The following KIFAP3 variants were observed in gnomAD, a reference collection of about 807,000 sequenced individuals.
KIFAP3 encodes kinesin associated protein 3.
In KIFAP3, 68 loss-of-function variants were observed where a neutral mutation model predicts 106.5. The ratio of observed to expected loss-of-function variants is 0.64; its 90% confidence interval spans 0.53 to 0.78. The LOEUF (loss-of-function observed/expected upper bound fraction) is 0.78. Among genes scored for constraint, KIFAP3 ranks in the 30% least tolerant of loss-of-function variants. KIFAP3 has a pLI of 0.00. For synonymous variants in KIFAP3, 320 were observed against 311.5 expected (o/e 1.03, Z -0.29); for missense variants, 780 against 941.8 (o/e 0.83, Z 2.25).
At chr1:170,023,552 T>C (rs1668960954) in intron 9 of KIFAP3, among the ~76,000 whole-genome samples, 1 of 151,932 alleles carries the variant, frequency 6.6e-6, no homozygotes, top group Admixed American at 6.6e-5. Flanking sequence ...TATAGACAAA[T>C]ATGTATGTAC....
At chr1:169,964,407 A>G (rs1228818111) in intron 17 of KIFAP3, among the ~76,000 whole-genome samples, 1 of 152,144 alleles carries the variant, frequency 6.6e-6, no homozygotes, top group East Asian at 1.9e-4. Context: ...AGTTAAACAG[A>G]GGATAAATGA....
In KIFAP3 at chr1:169,962,670, A is replaced by T. The variant is rs373461855; in HGVS notation, c.1984-1435T>A. On this transcript the variant is annotated intron_variant, in intron 17 of 19. Coordinates refer to ENST00000361580, the MANE Select transcript of KIFAP3 (RefSeq NM_014970.4). The stretch of plus-strand genomic sequence containing the variant: ...TCAACTCAAGCTGAGACTCAAATCA[A>T]AATCACAATCACATAATACATTTCT... Among the ~76,000 whole-genome samples the T allele has an allele frequency of 8.2e-4, 125 of 152,300 alleles. 1 individual carries two copies. The South Asian group carries it at 0.025, about 31-fold the overall frequency.
chr1:169,998,399 T>TACACAC (rs1205858764), intron 10 of KIFAP3, among the ~76,000 whole-genome samples: 13 of 97,802 alleles, frequency 1.3e-4, no homozygotes, highest in South Asian at 3.4e-4. Flanking sequence ...TATATATATA[T>TACACAC]ACACACACAC....
At chr1:169,994,338 T>G (rs1182929126) in intron 10 of KIFAP3, among the ~76,000 whole-genome samples, 3 of 152,230 alleles carry the variant, frequency 2.0e-5, no homozygotes, top group Non-Finnish European at 4.4e-5. Flanking sequence ...ATTTGATGCC[T>G]TTGGTATTCA....
At position 170,049,002 on chromosome 1, in the gene KIFAP3, G is replaced by A. The variant is rs139686950; in HGVS notation, c.165-2136C>T. ...CTGTTCACTGCCCTGGAAAGGGGGC[G>A]GAAGCCAAGGAGCCAAGTGGTCTCA... On this transcript the variant is annotated intron_variant, in intron 2 of 19. Transcript: ENST00000361580. 3.2e-4 allele frequency among the ~76,000 whole-genome samples: 48 copies of A among 152,314 alleles called. 1 individual carries two copies. Among genetic ancestry groups the A allele is most frequent in the African/African-American group, 7.7e-4 (32 of 41,576 alleles).
upstream of KIFAP3, among the ~76,000 whole-genome samples, chr1:170,075,335 C>T (rs776448419): frequency 1.6e-4 from 24 of 152,140 alleles, no homozygotes; most frequent in Non-Finnish European, 2.8e-4. Flanking sequence ...TATGTCTATG[C>T]AAATGATATA....
At chr1:170,062,215 C>CAAAAAA (rs112112967) in intron 1 of KIFAP3, among the ~76,000 whole-genome samples, 2 of 85,284 alleles carry the variant, frequency 2.3e-5, no homozygotes, top group Non-Finnish European at 5.2e-5. Flanking sequence ...GAGATACCAT[C>CAAAAAA]AAAAAAAAAA....
intron 9 of KIFAP3, among the ~76,000 whole-genome samples, chr1:170,016,930 A>G (rs1230111703): frequency 2.0e-5 from 3 of 152,212 alleles, no homozygotes; most frequent in Non-Finnish European, 4.4e-5. Flanking sequence ...TATGCAAAGA[A>G]GATCTCACCT....
intron 2 of KIFAP3, among the ~76,000 whole-genome samples, chr1:170,048,713 G>A (rs1420033620): frequency 6.6e-6 from 1 of 151,638 alleles, no homozygotes; most frequent in Non-Finnish European, 1.5e-5. Flanking sequence ...TGGCGGGGGC[G>A]TCGCTACACC....
In KIFAP3 at chr1:170,083,973, C is replaced by T. The variant is rs567490598; in HGVS notation, n.174+1062G>A. 4.6e-5 allele frequency among the ~76,000 whole-genome samples: 7 copies of T among 152,168 alleles called. No homozygotes were observed. In the South Asian group the frequency reaches 8.3e-4, roughly 18 times the overall value. On this transcript the variant is annotated intron_variant and non_coding_transcript_variant, in intron 1 of 5. Transcript: ENST00000490550. ...ACTGTATTTTGAATACTAGCCACAG[C>T]GGGGTGTTTAAAAGTACTGAGAAAA...
At chr1:169,964,910 C>T (rs1000516002) in intron 17 of KIFAP3, among the ~76,000 whole-genome samples, 2 of 152,032 alleles carry the variant, frequency 1.3e-5, no homozygotes, top group Non-Finnish European at 2.9e-5. Flanking sequence ...TTAAAGTTAG[C>T]TGCAGAAAGA....
At chr1:170,033,744 C>T (rs1669536138) in intron 7 of KIFAP3, among the ~76,000 whole-genome samples, 1 of 151,656 alleles carries the variant, frequency 6.6e-6, no homozygotes, top group African/African-American at 2.4e-5. Flanking sequence ...TGCTAAACCA[C>T]AGAATGGGTG....
intron 1 of KIFAP3, among the ~76,000 whole-genome samples, chr1:170,057,773 A>C (rs1009659839): frequency 2.6e-5 from 4 of 152,086 alleles, no homozygotes; most frequent in Non-Finnish European, 5.9e-5. Context: ...GATGAAAAAA[A>C]TTTGAGCCAT....
upstream of KIFAP3, among the ~76,000 whole-genome samples, chr1:170,078,544 A>C (rs1445903405): frequency 1.3e-5 from 2 of 152,180 alleles, no homozygotes; most frequent in East Asian, 3.8e-4. Context: ...ACAACTTTAT[A>C]CTAATAAATT....
chr1:170,024,671 C>T, intron 8 of KIFAP3, 75 bp from the exon 9 acceptor site: 1 of 895,104 alleles, frequency 1.1e-6, no homozygotes, highest in Non-Finnish European at 1.6e-6. Flanking sequence ...TTTCTACTCA[C>T]CAAGGCAACA....
intron 18 of KIFAP3, among the ~76,000 whole-genome samples, chr1:169,957,699 C>T (rs1411219021): frequency 6.6e-6 from 1 of 151,928 alleles, no homozygotes; most frequent in Non-Finnish European, 1.5e-5. Flanking sequence ...GTGATCTTGG[C>T]ACACTGCAAC....
intron 19 of KIFAP3, among the ~76,000 whole-genome samples, chr1:169,929,429 G>A (rs1663339398): frequency 6.6e-6 from 1 of 152,014 alleles, no homozygotes; most frequent in South Asian, 2.1e-4. Flanking sequence ...CTATAACATA[G>A]CTTCTAAAAT....
intron 7 of KIFAP3, among the ~76,000 whole-genome samples, chr1:170,034,129 A>G (rs1669557294): frequency 6.6e-6 from 1 of 151,880 alleles, no homozygotes; most frequent in Non-Finnish European, 1.5e-5. Context: ...CGACACAACT[A>G]TTACCTGCTC....
At chr1:170,015,211 A>G (rs1025833884) in intron 10 of KIFAP3, among the ~76,000 whole-genome samples, 2 of 152,206 alleles carry the variant, frequency 1.3e-5, no homozygotes, top group Non-Finnish European at 2.9e-5. Flanking sequence ...ATAAAAGTAC[A>G]TGACTAGAAA....
Sources: allele counts gnomAD v4.1 joint callset (sites outside exome capture counted in the v4.1 genomes callset), GRCh38; gene constraint gnomAD v4.1.1; transcripts MANE v1.5; gene names NCBI Gene and HGNC (gene_info 2026-07-23, HGNC 2026-07-21).